The following AGPS variants were observed in gnomAD, a reference collection of about 807,000 sequenced individuals.
The protein encoded by AGPS is alkylglycerone phosphate synthase.
Under a neutral mutation model 90.7 loss-of-function variants are expected in AGPS, and 26 were observed. That is an observed-to-expected ratio of 0.29 (90% CI 0.21 to 0.40). AGPS has a LOEUF of 0.40. Among genes scored for constraint, AGPS ranks in the 10% least tolerant of loss-of-function variants. The pLI is 1.00. For synonymous variants in AGPS, 294 were observed against 285.3 expected (o/e 1.03, Z -0.31); for missense variants, 540 against 816.1 (o/e 0.66, Z 4.12).
chr2:177,421,808 A>G (rs1266449399), intron 2 of AGPS, among the ~76,000 whole-genome samples: 1 of 152,142 alleles, frequency 6.6e-6, no homozygotes, highest in African/African-American at 2.4e-5. Context: ...TAATCTTCTG[A>G]ACTTAGAAAA....
At chr2:177,432,586 A>G (rs1472136056) in intron 2 of AGPS, among the ~76,000 whole-genome samples, 1 of 152,260 alleles carries the variant, frequency 6.6e-6, no homozygotes, top group African/African-American at 2.4e-5. Context: ...GTGCATTCAG[A>G]TATAGAGATA....
chr2:177,438,919 C>G (rs550138589), intron 5 of AGPS, among the ~76,000 whole-genome samples: 1 of 151,986 alleles, frequency 6.6e-6, no homozygotes, highest in African/African-American at 2.4e-5. Flanking sequence ...AGTTTTGAGA[C>G]AATGAAGAAA....
intron 2 of AGPS, among the ~76,000 whole-genome samples, chr2:177,431,135 A>ATGT (rs1365629490): frequency 1.3e-5 from 2 of 152,270 alleles, no homozygotes; most frequent in African/African-American, 4.8e-5. Flanking sequence ...AAAGAGTACA[A>ATGT]AGAGAGGAAT....
chr2:177,506,808 A>G (rs1295919704), intron 15 of AGPS, among the ~76,000 whole-genome samples: 2 of 151,994 alleles, frequency 1.3e-5, no homozygotes, highest in Admixed American at 6.6e-5. Flanking sequence ...AATTGTCAAT[A>G]TCATAGTTTC....
rs2079221948 is a variant in AGPS at position 177,540,137 on chromosome 2, TAAG to T, written c.*1947_*1949del. The T allele has an allele frequency of 6.6e-6, 1 of 150,582 alleles. No individual in the cohort carries two copies. The highest frequency in any genetic ancestry group is 2.4e-5 in the African/African-American group (1 of 41,066). The allele number at this position is 150,582 out of a possible 1,614,324, so 9.3% of individuals were successfully genotyped here. A position where few individuals can be genotyped will look rare whatever the true frequency, so the allele number is the denominator to read the frequency against. On this transcript the variant is annotated 3_prime_UTR_variant, in exon 20 of 20. Coordinates refer to ENST00000264167, the MANE Select transcript of AGPS (RefSeq NM_003659.4). Reference sequence around the variant, plus strand: ...ATTTTTAAAAAATAAAACAGGTTAATAAGAAGATCCATTCCTTTGCATGTGATT... The same window carrying T: ...ATTTTTAAAAAATAAAACAGGTTAATAAGATCCATTCCTTTGCATGTGATT...
At chr2:177,483,668 A>G (rs1688010629) in intron 11 of AGPS, among the ~76,000 whole-genome samples, 1 of 152,350 alleles carries the variant, frequency 6.6e-6, no homozygotes, top group Non-Finnish European at 1.5e-5. Context: ...CTTTGGGAAT[A>G]CGATATTATG....
chr2:177,423,425 G>A (rs1158706318), intron 2 of AGPS, among the ~76,000 whole-genome samples: 1 of 152,078 alleles, frequency 6.6e-6, no homozygotes, highest in Non-Finnish European at 1.5e-5. Context: ...TTCTATTCTG[G>A]CAGTGAGGTA....
intron 11 of AGPS, among the ~76,000 whole-genome samples, chr2:177,492,366 G>T (rs1688288677): frequency 6.6e-6 from 1 of 152,210 alleles, no homozygotes; most frequent in East Asian, 1.9e-4. Context: ...TATTTTATTA[G>T]AAGTCAATGT....
chr2:177,522,526 T>G (rs1450318152), intron 18 of AGPS, among the ~76,000 whole-genome samples: 1 of 152,122 alleles, frequency 6.6e-6, no homozygotes, highest in African/African-American at 2.4e-5. Context: ...CTCGGCTCAC[T>G]GCAACCTCTG....
At chr2:177,480,327 C>G (rs1687905715) in intron 10 of AGPS, among the ~76,000 whole-genome samples, 1 of 151,770 alleles carries the variant, frequency 6.6e-6, no homozygotes, top group Non-Finnish European at 1.5e-5. Context: ...GGAACCAACC[C>G]AAATGTCCAT....
At chr2:177,482,233 G>A (rs1419760907) in intron 11 of AGPS, 47 bp downstream of exon 11, 2 of 1,063,620 alleles carry the variant, frequency 1.9e-6, no homozygotes, top group South Asian at 1.6e-5. Context: ...ATATGTTTAT[G>A]TATTTATATT....
At chr2:177,496,691 A>G (rs1688423315) in intron 12 of AGPS, among the ~76,000 whole-genome samples, 1 of 152,084 alleles carries the variant, frequency 6.6e-6, no homozygotes, top group African/African-American at 2.4e-5. Flanking sequence ...GTTTCCTATT[A>G]TAATCAGCAA....
At chr2:177,393,089 C>A (rs1685068437) in intron 1 of AGPS, 40 bp downstream of exon 1, 6 of 1,550,112 alleles carry the variant, frequency 3.9e-6, no homozygotes, top group Non-Finnish European at 5.2e-6. Flanking sequence ...GTCGAGGGAC[C>A]AGGCCGGGCC....
Position 177,497,747 on chromosome 2 carries a change from A to G in AGPS, c.1344A>G (p.Lys448=). Residue 448 remains lysine, a synonymous_variant, in exon 13 of 20, where the codon AAA becomes AAG. Coordinates refer to ENST00000264167, the MANE Select transcript of AGPS (RefSeq NM_003659.4). ...SIFTSFLDGL[K]KFYITKFKGF... ...TTACATCATTTTTGGACGGATTAAA[A>G]AAGTTTTATATTACAAAGGTAAGAA... 6.5e-7 allele frequency: 1 copy of G among 1,547,024 alleles called. No homozygotes were observed. The highest frequency in any genetic ancestry group is 2.3e-5 in the East Asian group (1 of 44,082).
At chr2:177,491,987 T>C (rs1688278146) in intron 11 of AGPS, among the ~76,000 whole-genome samples, 1 of 152,082 alleles carries the variant, frequency 6.6e-6, no homozygotes, top group African/African-American at 2.4e-5. Flanking sequence ...GCTTTTGCCA[T>C]GTTGGTCACG....
At chr2:177,497,272 A>C (rs1178436284) in intron 12 of AGPS, among the ~76,000 whole-genome samples, 1 of 151,914 alleles carries the variant, frequency 6.6e-6, no homozygotes, top group Non-Finnish European at 1.5e-5. Context: ...CCATATTTGG[A>C]TAGTTCTGAA....
intron 11 of AGPS, among the ~76,000 whole-genome samples, chr2:177,483,308 G>A (rs1472666376): frequency 6.6e-6 from 1 of 152,018 alleles, no homozygotes; most frequent in Non-Finnish European, 1.5e-5. Flanking sequence ...CATTCCCAGT[G>A]CTGTTTATTC....
At chr2:177,503,353 TATC>T (rs759222573) in intron 14 of AGPS, among the ~76,000 whole-genome samples, 4 of 152,224 alleles carry the variant, frequency 2.6e-5, no homozygotes, top group Non-Finnish European at 5.9e-5. Context: ...GGTAATATGT[TATC>T]ATTATTTTTA....
intron 16 of AGPS, among the ~76,000 whole-genome samples, chr2:177,509,615 G>C (rs905419834): frequency 1.8e-4 from 27 of 148,664 alleles, no homozygotes; most frequent in African/African-American, 5.7e-4. Flanking sequence ...GCAGTGAGCC[G>C]AGATCATGTC....
Sources: gnomAD v4.1 joint callset for allele counts (sites outside exome capture counted in the v4.1 genomes callset) on GRCh38, gnomAD v4.1.1 for gene constraint, MANE v1.5 for transcripts, NCBI Gene and HGNC (gene_info 2026-07-23, HGNC 2026-07-21) for gene names.